Variants in DAPP1 observed in about 807,000 individuals in gnomAD.
The protein encoded by DAPP1 is dual adaptor of phosphotyrosine and 3-phosphoinositides 1.
Under a neutral mutation model 41.5 loss-of-function variants are expected in DAPP1, and 20 were observed. The observed-to-expected ratio is 0.48, with a 90% CI of 0.34 to 0.70. The LOEUF (loss-of-function observed/expected upper bound fraction) is 0.70, where lower values mean the gene tolerates loss of function less well. Among genes scored for constraint, DAPP1 ranks in the 30% least tolerant of loss-of-function variants. The pLI is 0.01. For synonymous variants in DAPP1, 113 were observed against 116.2 expected (o/e 0.97, Z 0.18); for missense variants, 233 against 333.4 (o/e 0.70, Z 2.35).
intron 1 of DAPP1, among the ~76,000 whole-genome samples, chr4:99,828,563 A>C (rs1438268147): frequency 6.6e-6 from 1 of 152,232 alleles, no homozygotes; most frequent in East Asian, 1.9e-4. Flanking sequence ...AGGTTCCACT[A>C]TTCTGGAGCA....
At chr4:99,829,429 G>A (rs1042908601) in intron 1 of DAPP1, among the ~76,000 whole-genome samples, 20 of 150,974 alleles carry the variant, frequency 1.3e-4, no homozygotes, top group South Asian at 2.1e-4. Context: ...GCAGTGAGCC[G>A]AGATCACACC....
At chr4:99,858,950 A>T (rs1724143419) in intron 4 of DAPP1, among the ~76,000 whole-genome samples, 1 of 151,604 alleles carries the variant, frequency 6.6e-6, no homozygotes, top group Non-Finnish European at 1.5e-5. Flanking sequence ...CCCAAGCTGG[A>T]GTGCAGTGGT....
rs1378345303 is a variant in DAPP1, at chr4:99,816,887, C to T, written c.-27C>T. The T allele has an allele frequency of 2.5e-6, 4 of 1,582,268 alleles. No individual in the cohort carries two copies. The highest frequency in any genetic ancestry group is 3.4e-6 in the Non-Finnish European group (4 of 1,163,788). ...TGTCAGGAGCAGCCCAGTTGTGTCT[C>T]TCTCTCTACCTCTGTGAAGGGCGCG... On this transcript the variant is annotated 5_prime_UTR_variant, in exon 1 of 9. Coordinates refer to ENST00000512369, the MANE Select transcript of DAPP1 (RefSeq NM_014395.3).
At chr4:99,853,437 A>G in intron 4 of DAPP1, 89 bp downstream of exon 4, 1 of 1,477,358 alleles carries the variant, frequency 6.8e-7, no homozygotes, top group Non-Finnish European at 9.0e-7. Flanking sequence ...ATTTGTTCAC[A>G]TAAAAATTCT....
rs1236463547 is a variant in DAPP1, at chr4:99,868,488, C to T, written c.*303C>T. 1 of 322,822 alleles carries T rather than the reference C, an allele frequency of 3.1e-6. No homozygotes were observed. Among genetic ancestry groups the T allele is most frequent in the Non-Finnish European group, 5.9e-6 (1 of 169,922 alleles). The allele number at this position is 322,822 out of a possible 1,614,324, so 20.0% of individuals were successfully genotyped here. A position where few individuals can be genotyped will look rare whatever the true frequency, so the allele number is the denominator to read the frequency against. On this transcript the variant is annotated 3_prime_UTR_variant, in exon 9 of 9. Transcript: ENST00000512369. Reference sequence around the variant, plus strand: ...ATGGAAGAGGAAGGGTTTTTGTTTTCACTCATTGTGGTCCCCAAGCCTATT... The same window carrying T: ...ATGGAAGAGGAAGGGTTTTTGTTTTTACTCATTGTGGTCCCCAAGCCTATT...
chr4:99,824,466 T>C (rs1408105297), intron 1 of DAPP1, among the ~76,000 whole-genome samples: 2 of 152,212 alleles, frequency 1.3e-5, no homozygotes, highest in Non-Finnish European at 2.9e-5. Flanking sequence ...TGACGTTGGT[T>C]AGAGGTATCG....
intron 3 of DAPP1, among the ~76,000 whole-genome samples, chr4:99,850,722 TC>T (rs1251152840): frequency 6.6e-6 from 1 of 152,196 alleles, no homozygotes; most frequent in Non-Finnish European, 1.5e-5. Flanking sequence ...CCATTTTTAT[TC>T]CTAGCAGAAT....
intron 8 of DAPP1, chr4:99,866,672 A>C (rs1424626287): frequency 1.3e-6 from 1 of 753,134 alleles, no homozygotes; most frequent in Non-Finnish European, 2.4e-6. Context: ...TGTGCTTGCA[A>C]GTTAGTGAGT....
intron 1 of DAPP1, among the ~76,000 whole-genome samples, chr4:99,832,888 T>C (rs1334435416): frequency 1.3e-5 from 2 of 152,220 alleles, no homozygotes; most frequent in African/African-American, 4.8e-5. Context: ...ACAACTGTTA[T>C]CAGGCTATAT....
At chr4:99,864,571 A>G (rs1346335258) in intron 7 of DAPP1, among the ~76,000 whole-genome samples, 1 of 152,212 alleles carries the variant, frequency 6.6e-6, no homozygotes, top group African/African-American at 2.4e-5. Context: ...TGTTAATTCT[A>G]TAATATCAAC....
intron 2 of DAPP1, among the ~76,000 whole-genome samples, chr4:99,838,805 G>A (rs1560694979): frequency 6.6e-6 from 1 of 152,286 alleles, no homozygotes; most frequent in East Asian, 1.9e-4. Flanking sequence ...GAGCCAAAAA[G>A]ACCACATACA....
At chr4:99,858,609 C>A (rs1035635129) in intron 4 of DAPP1, among the ~76,000 whole-genome samples, 13 of 152,174 alleles carry the variant, frequency 8.5e-5, no homozygotes, top group Admixed American at 7.9e-4. Context: ...TAAATTTTTA[C>A]TTGCCAATTT....
At chr4:99,857,387 T>C (rs993423380) in intron 4 of DAPP1, among the ~76,000 whole-genome samples, 1 of 152,076 alleles carries the variant, frequency 6.6e-6, no homozygotes, top group African/African-American at 2.4e-5. Context: ...TTGGTAGAGA[T>C]TGAGATTAAT....
intron 1 of DAPP1, among the ~76,000 whole-genome samples, chr4:99,820,057 A>G (rs889774800): frequency 3.9e-5 from 6 of 152,232 alleles, no homozygotes; most frequent in African/African-American, 1.2e-4. Flanking sequence ...GTCCAGAAGC[A>G]AAGGAGAAAT....
rs761300127 is a variant in DAPP1, at chr4:99,863,042, G to A, written c.570G>A (p.Arg190=). 4.3e-5 allele frequency: 68 copies of A among 1,590,112 alleles called. 2 individuals carry two copies. In the South Asian group the frequency reaches 7.7e-4, roughly 18 times the overall value. ...AAACAAGATGGTTTACTCTGCACAG[G>A]AATGAACTGAAATACTTCAAAGACC... The part of the protein sequence containing the change: ...TWKTRWFTLH[R]NELKYFKDQM... The change falls in exon 6 of 9, where the codon AGG becomes AGA. Residue 190 remains arginine (R), a synonymous_variant. Transcript: ENST00000512369.
At chr4:99,832,920 T>C (rs1018999292) in intron 1 of DAPP1, among the ~76,000 whole-genome samples, 2 of 152,254 alleles carry the variant, frequency 1.3e-5, no homozygotes, top group Non-Finnish European at 2.9e-5. Context: ...AGAAGAATTC[T>C]ATAAATGCTT....
In DAPP1 at chr4:99,848,441, G is replaced by T. The variant is rs531621923; in HGVS notation, c.359-4777G>T. ...AGACGGGGTTTCACCGTGTTAGCCA[G>T]GATGGTCTCCATCTCCTGACCTTGT... is the stretch of plus-strand genomic sequence containing the variant. On this transcript the variant is annotated intron_variant, in intron 3 of 8. Transcript: ENST00000512369. Among the ~76,000 whole-genome samples the T allele has an allele frequency of 3.3e-5, 5 of 151,302 alleles. No individual in the cohort carries two copies. In the South Asian group the frequency reaches 1.0e-3, roughly 32 times the overall value.
chr4:99,834,456 C>T (rs1723227747), intron 1 of DAPP1, among the ~76,000 whole-genome samples: 1 of 152,022 alleles, frequency 6.6e-6, no homozygotes, highest in Admixed American at 6.6e-5. Context: ...TTTGAATCTC[C>T]TTGAGCATTC....
chr4:99,867,285 ATTCT>A (rs1413416589), intron 8 of DAPP1, among the ~76,000 whole-genome samples: 2 of 152,168 alleles, frequency 1.3e-5, no homozygotes, highest in South Asian at 2.1e-4. Flanking sequence ...TTAATTTCTT[ATTCT>A]TTCTATTTTT....
Sources: gnomAD v4.1 joint callset for allele counts (sites outside exome capture counted in the v4.1 genomes callset) on GRCh38, gnomAD v4.1.1 for gene constraint, MANE v1.5 for transcripts, NCBI Gene and HGNC (gene_info 2026-07-23, HGNC 2026-07-21) for gene names.